Variants in OR2L13 observed in about 807,000 individuals in gnomAD.
OR2L13 encodes the protein olfactory receptor family 2 subfamily L member 13.
A neutral mutation model predicts 15.3 loss-of-function variants in OR2L13; 14 were observed. That is an observed-to-expected ratio of 0.91 (90% CI 0.60 to 1.43). The LOEUF is 1.43. Among genes scored for constraint, OR2L13 ranks in the 40% most tolerant of loss-of-function variants. The probability of loss-of-function intolerance (pLI) is 0.00; values close to 1 mark genes in which losing one functional copy is unlikely to be tolerated. For missense variants in OR2L13, 367 were observed against 387.9 expected (o/e 0.95, Z 0.45); for synonymous variants, 152 against 142.9 (o/e 1.06, Z -0.45).
chr1:248,041,875 G>A, the OR2L13 span: 1 of 152,150 alleles, frequency 6.6e-6, no homozygotes, highest in African/African-American at 2.4e-5. Flanking sequence ...TGCTGGAGAG[G>A]ATGTGGAGAA....
chr1:247,953,856 T>C, the OR2L13 span, among the ~76,000 whole-genome samples: 725 of 152,238 alleles, frequency 4.8e-3, 11 homozygotes, highest in African/African-American at 0.017. Flanking sequence ...GAATTAACTC[T>C]TATTTTTCAC....
At chr1:247,940,731 C>CGTGTGTGTGT in the OR2L13 span, among the ~76,000 whole-genome samples, 47 of 147,180 alleles carry the variant, frequency 3.2e-4, no homozygotes, top group African/African-American at 1.1e-3. Flanking sequence ...TGCATACGTG[C>CGTGTGTGTGT]GTGTGTGTGT....
chr1:248,022,628 G>A, the OR2L13 span: 1 of 1,614,106 alleles, frequency 6.2e-7, no homozygotes, highest in Non-Finnish European at 8.5e-7. Context: ...TCTACCGCAT[G>A]CACTCTGCAG....
the OR2L13 span, among the ~76,000 whole-genome samples, chr1:247,983,184 C>T: frequency 2.0e-5 from 3 of 152,250 alleles, no homozygotes; most frequent in African/African-American, 4.8e-5. Context: ...ATCTATAAAA[C>T]GTCGTGGTGA....
At chr1:248,078,088 A>C in the OR2L13 span, among the ~76,000 whole-genome samples, 4 of 152,242 alleles carry the variant, frequency 2.6e-5, no homozygotes, top group East Asian at 1.9e-4. Context: ...TCTGTGATAA[A>C]ATAAACTACA....
the OR2L13 span, among the ~76,000 whole-genome samples, chr1:248,072,615 A>G: frequency 6.6e-6 from 1 of 152,136 alleles, no homozygotes; most frequent in Non-Finnish European, 1.5e-5. Flanking sequence ...GCAAAAGCCA[A>G]AATTGACAAA....
the OR2L13 span, among the ~76,000 whole-genome samples, chr1:248,036,393 AT>A: frequency 4.6e-5 from 7 of 152,136 alleles, no homozygotes; most frequent in East Asian, 1.3e-3. Flanking sequence ...TATTTGGTGG[AT>A]TTTATAACAT....
chr1:248,007,421 G>T, the OR2L13 span, among the ~76,000 whole-genome samples: 1 of 152,176 alleles, frequency 6.6e-6, no homozygotes, highest in Non-Finnish European at 1.5e-5. Flanking sequence ...CTCTGACGTG[G>T]TGTCTGCACT....
the OR2L13 span, among the ~76,000 whole-genome samples, chr1:248,032,270 A>G: frequency 6.6e-6 from 1 of 152,236 alleles, no homozygotes; most frequent in East Asian, 1.9e-4. Flanking sequence ...AATATGGAAT[A>G]ATTTCAGTAT....
At chr1:248,048,615 G>T in the OR2L13 span, among the ~76,000 whole-genome samples, 6,801 of 152,188 alleles carry the variant, frequency 0.045, 503 homozygotes, top group African/African-American at 0.15. Context: ...AGGAATTAAG[G>T]TTGACTCATG....
At chr1:248,003,626 C>A in the OR2L13 span, 12 of 1,611,550 alleles carry the variant, frequency 7.4e-6, no homozygotes, top group Non-Finnish European at 9.3e-6. Flanking sequence ...ACTCCATATT[C>A]CTTATTGCCC....
chr1:247,948,829 C>A, the OR2L13 span: 3 of 1,548,164 alleles, frequency 1.9e-6, no homozygotes, highest in Admixed American at 3.6e-5. Context: ...TCTTGTGTCT[C>A]CCTTCCGAAT....
the OR2L13 span, among the ~76,000 whole-genome samples, chr1:248,016,975 C>G: frequency 1.4e-4 from 22 of 151,980 alleles, no homozygotes; most frequent in Non-Finnish European, 2.6e-4. Flanking sequence ...ATTGCAAGTG[C>G]CAGTGTGTGG....
At chr1:247,965,033 T>C in the OR2L13 span, among the ~76,000 whole-genome samples, 45 of 150,432 alleles carry the variant, frequency 3.0e-4, no homozygotes, top group African/African-American at 1.1e-3. Context: ...TACATATATT[T>C]CTATTACTAT....
At chr1:248,049,877 A>T in the OR2L13 span, among the ~76,000 whole-genome samples, 2 of 152,176 alleles carry the variant, frequency 1.3e-5, no homozygotes, top group Non-Finnish European at 2.9e-5. Context: ...ATTTATCTAG[A>T]TGTCACATTT....
chr1:248,016,317 T>C, the OR2L13 span, among the ~76,000 whole-genome samples: 5 of 152,206 alleles, frequency 3.3e-5, no homozygotes, highest in Non-Finnish European at 2.9e-5. Context: ...GGTATTTTTT[T>C]TGTAAGTGAA....
the OR2L13 span, among the ~76,000 whole-genome samples, chr1:248,082,349 G>C: frequency 3.7e-3 from 4 of 1,080 alleles, no homozygotes; most frequent in Non-Finnish European, 8.9e-3. Flanking sequence ...TGGTGGGGTG[G>C]GGGGTGGGGG....
upstream of OR2L13, among the ~76,000 whole-genome samples, chr1:248,095,583 TATG>T (rs1377716866): frequency 6.7e-6 from 1 of 150,052 alleles, no homozygotes; most frequent in African/African-American, 2.4e-5. Flanking sequence ...GTTTGCAGAT[TATG>T]ATGTCACTGT....
the OR2L13 span, among the ~76,000 whole-genome samples, chr1:248,063,627 C>A: frequency 3.3e-5 from 5 of 152,190 alleles, no homozygotes; most frequent in Non-Finnish European, 7.3e-5. Flanking sequence ...CATCACGAGT[C>A]ACTTGCTGCT....
Sources: allele counts gnomAD v4.1 joint callset (sites outside exome capture counted in the v4.1 genomes callset), GRCh38; gene constraint gnomAD v4.1.1; transcripts MANE v1.5; gene names NCBI Gene and HGNC (gene_info 2026-07-23, HGNC 2026-07-21).